Variants in FGF12 observed in about 807,000 individuals in gnomAD.
The protein encoded by FGF12 is fibroblast growth factor 12, also known as fibroblast growth factor 12B.
Under a neutral mutation model 23.6 loss-of-function variants are expected in FGF12, and 14 were observed. The ratio of observed to expected loss-of-function variants is 0.59; its 90% CI spans 0.39 to 0.93. The LOEUF (loss-of-function observed/expected upper bound fraction) is 0.93, where lower values mean the gene tolerates loss of function less well. FGF12 is among the 40% of genes least tolerant of loss of function. FGF12 has a pLI of 0.00. For synonymous variants in FGF12, 62 were observed against 77.3 expected (o/e 0.80, Z 1.04); for missense variants, 175 against 217.8 (o/e 0.80, Z 1.24).
At chr3:192,460,530 G>A (rs899365388) in intron 2 of FGF12, among the ~76,000 whole-genome samples, 4 of 151,910 alleles carry the variant, frequency 2.6e-5, no homozygotes, top group Non-Finnish European at 5.9e-5. Flanking sequence ...AAACCCGCAA[G>A]CAGAGTACAC....
chr3:192,204,802 C>T (rs986210063), intron 4 of FGF12, among the ~76,000 whole-genome samples: 14 of 152,134 alleles, frequency 9.2e-5, no homozygotes, highest in African/African-American at 3.1e-4. Context: ...AGGAGAATTT[C>T]CTGAACCTGG....
intron 2 of FGF12, among the ~76,000 whole-genome samples, chr3:192,545,937 T>A (rs1725484157): frequency 6.6e-6 from 1 of 152,202 alleles, no homozygotes; most frequent in Admixed American, 6.5e-5. Context: ...TCTGACTGAT[T>A]AAAGGCATAA....
rs574723302 is a variant in FGF12 at position 192,436,110 on chromosome 3, CAGA to C, written c.14-75575_14-75573del. Among the ~76,000 whole-genome samples the C allele has an allele frequency of 3.6e-3, 547 of 152,230 alleles. 6 individuals carry two copies. The highest frequency in any genetic ancestry group is 0.012 in the African/African-American group (518 of 41,528). On this transcript the variant is annotated intron_variant, in intron 2 of 5. Coordinates refer to ENST00000445105, the MANE Select transcript of FGF12 (RefSeq NM_004113.6). ...CTAGGGGTTGGAGCTCTGAAGGAAA[CAGA>C]AGAACGTGACCTCAGGACAATACTG...
At chr3:192,273,906 T>TA (rs11308169) in intron 4 of FGF12, among the ~76,000 whole-genome samples, 2,931 of 144,372 alleles carry the variant, frequency 0.02, 41 homozygotes, top group East Asian at 0.046. Flanking sequence ...GTGAGTGAAT[T>TA]AAAAAAAAAA....
At chr3:192,661,389 G>A (rs929741493) in intron 2 of FGF12, among the ~76,000 whole-genome samples, 2 of 152,166 alleles carry the variant, frequency 1.3e-5, no homozygotes, top group African/African-American at 4.8e-5. Context: ...GGGCATGGTG[G>A]CATGGGATTA....
rs370050257 is a variant in FGF12 at position 192,414,384 on chromosome 3, C to T, written c.14-53846G>A. Reference sequence around the variant, plus strand: ...TAAGAATTGCCAGAGTTCAGATTCACACCCATATAATTTATTTCCAGAGTT... The same window carrying T: ...TAAGAATTGCCAGAGTTCAGATTCATACCCATATAATTTATTTCCAGAGTT... On this transcript the variant is annotated intron_variant, in intron 2 of 5. Coordinates refer to ENST00000445105, the MANE Select transcript of FGF12 (RefSeq NM_004113.6). Among the ~76,000 whole-genome samples the T allele has an allele frequency of 2.5e-4, 38 of 152,326 alleles. No individual in the cohort carries two copies. In the East Asian group the frequency reaches 3.3e-3, roughly 13 times the overall value.
At chr3:192,202,074 G>C (rs1278674071) in intron 4 of FGF12, among the ~76,000 whole-genome samples, 1 of 152,064 alleles carries the variant, frequency 6.6e-6, no homozygotes, top group Non-Finnish European at 1.5e-5. Context: ...ATCTCATTCA[G>C]ATGACAAAAG....
At chr3:192,607,822 A>G (rs1714396337) in intron 2 of FGF12, among the ~76,000 whole-genome samples, 2 of 149,928 alleles carry the variant, frequency 1.3e-5, no homozygotes, top group Non-Finnish European at 3.0e-5. Context: ...AAAATAGTTA[A>G]CATACCCAGA....
chr3:192,602,058 AT>A (rs893295558), intron 2 of FGF12, among the ~76,000 whole-genome samples: 85 of 152,256 alleles, frequency 5.6e-4, no homozygotes, highest in African/African-American at 1.9e-3. Flanking sequence ...AACTGATAGA[AT>A]GTACAACACC....
At chr3:192,500,547 G>T (rs1724105655) in intron 2 of FGF12, among the ~76,000 whole-genome samples, 1 of 152,126 alleles carries the variant, frequency 6.6e-6, no homozygotes, top group Non-Finnish European at 1.5e-5. Context: ...TCCTGTTCAG[G>T]TTACTACTCT....
rs537535129 is a variant in FGF12 at position 192,650,536 on chromosome 3, T to C, written c.13+76645A>G. 1.9e-4 allele frequency among the ~76,000 whole-genome samples: 29 copies of C among 152,300 alleles called. No individual in the cohort carries two copies. In the South Asian group the frequency reaches 5.6e-3, roughly 29 times the overall value. On this transcript the variant is annotated intron_variant, in intron 2 of 5. Transcript: ENST00000445105. ...CTTGTGCCAACCCTATACCTATTAT[T>C]TATCTCATTGTTGAATTTATTATAC...
chr3:192,445,075 C>G (rs1004006751), intron 2 of FGF12, among the ~76,000 whole-genome samples: 4 of 152,230 alleles, frequency 2.6e-5, no homozygotes, highest in African/African-American at 9.6e-5. Flanking sequence ...GCACTAATTA[C>G]TACTCTTCCA....
At chr3:192,564,041 T>G (rs907064203) in intron 2 of FGF12, among the ~76,000 whole-genome samples, 2 of 151,806 alleles carry the variant, frequency 1.3e-5, no homozygotes, top group African/African-American at 4.8e-5. Context: ...TTTTTTGTTT[T>G]TTTTTGTTTG....
At chr3:192,718,161 C>T (rs202141206) in intron 2 of FGF12, among the ~76,000 whole-genome samples, 37 of 77,968 alleles carry the variant, frequency 4.7e-4, no homozygotes, top group Admixed American at 1.4e-3. Flanking sequence ...GTTAGTCTTT[C>T]TTTTTTTTTT....
intron 2 of FGF12, among the ~76,000 whole-genome samples, chr3:192,459,437 G>A (rs1305055642): frequency 2.0e-5 from 3 of 152,162 alleles, no homozygotes; most frequent in East Asian, 3.8e-4. Context: ...TGTTTAACTC[G>A]CATTTGTTAT....
At chr3:192,192,813 A>G (rs1436187415) in intron 4 of FGF12, among the ~76,000 whole-genome samples, 2 of 152,178 alleles carry the variant, frequency 1.3e-5, no homozygotes, top group Non-Finnish European at 2.9e-5. Context: ...TTTTATTCAT[A>G]TAATACATCA....
At chr3:192,244,173 T>C (rs964211990) in intron 4 of FGF12, among the ~76,000 whole-genome samples, 3 of 152,120 alleles carry the variant, frequency 2.0e-5, no homozygotes, top group Admixed American at 6.5e-5. Flanking sequence ...CTAGCAAACT[T>C]ACAAATATTC....
intron 2 of FGF12, among the ~76,000 whole-genome samples, chr3:192,500,780 T>C (rs1178828714): frequency 1.3e-5 from 2 of 152,234 alleles, no homozygotes; most frequent in African/African-American, 4.8e-5. Context: ...TTTGCATATA[T>C]TAACTCATTT....
At chr3:192,716,955 C>CTT (rs1718885160) in intron 2 of FGF12, among the ~76,000 whole-genome samples, 1 of 152,142 alleles carries the variant, frequency 6.6e-6, no homozygotes. Flanking sequence ...CAACCCAATG[C>CTT]TTAATTAAGC....
Sources: allele counts gnomAD v4.1 joint callset (sites outside exome capture counted in the v4.1 genomes callset), GRCh38; gene constraint gnomAD v4.1.1; transcripts MANE v1.5; gene names NCBI Gene and HGNC (gene_info 2026-07-23, HGNC 2026-07-21).